The following PHC1 variants were observed in gnomAD, a reference collection of about 807,000 sequenced individuals.
The protein encoded by PHC1 is polyhomeotic homolog 1.
A neutral mutation model predicts 104.3 loss-of-function variants in PHC1; 12 were observed. The observed-to-expected ratio is 0.12, with a 90% CI of 0.07 to 0.19. The LOEUF is 0.19. Ranked by LOEUF, PHC1 falls within the 10% of genes least tolerant of loss-of-function variation. The pLI, the probability that PHC1 is intolerant of heterozygous loss-of-function variation, is 1.00. For synonymous variants in PHC1, 302 were observed against 455.8 expected (o/e 0.66, Z 4.30); for missense variants, 671 against 1,200.0 (o/e 0.56, Z 6.51).
At chr12:8,920,037 G>A in intron 3 of PHC1, 171 bp downstream of exon 3, 1 of 1,003,624 alleles carries the variant, frequency 1.0e-6, no homozygotes, top group Admixed American at 2.6e-5. Context: ...TGGGGTTGCA[G>A]TAAGAACCGT....
intron 8 of PHC1, chr12:8,933,555 T>G: frequency 1.3e-6 from 1 of 741,096 alleles, no homozygotes; most frequent in South Asian, 2.3e-5. Context: ...TATTCTGGGT[T>G]TTTGGGTATG....
intron 12 of PHC1, 41 bp downstream of exon 12, chr12:8,937,005 C>T (rs759790841): frequency 4.2e-6 from 6 of 1,445,102 alleles, no homozygotes; most frequent in Non-Finnish European, 5.8e-6. Context: ...GCACTGGTAT[C>T]TCCATCTAAT....
intron 6 of PHC1, among the ~76,000 whole-genome samples, chr12:8,927,540 T>C (rs2137091914): frequency 6.6e-6 from 1 of 152,264 alleles, no homozygotes; most frequent in African/African-American, 2.4e-5. Flanking sequence ...TGTATGCAGA[T>C]AAATGTATAG....
Position 8,917,689 on chromosome 12 carries a change from G to C in PHC1, c.12G>C (p.Glu4Asp). 1 of 1,555,752 alleles carries C rather than the reference G, an allele frequency of 6.4e-7. No homozygotes were observed. Reference sequence around the variant, plus strand: ...CCTGGACCACTATCATGGAGACTGAGAGCGAGCAGAACTCCAATTCCACCA... The same window carrying C: ...CCTGGACCACTATCATGGAGACTGACAGCGAGCAGAACTCCAATTCCACCA... MET[E>D]SEQNSNSTNG... The change falls in exon 2 of 15, where the codon GAG becomes GAC. Residue 4 changes from glutamate to aspartate, a missense_variant. Transcript: ENST00000544916.
chr12:8,933,811 C>T, intron 8 of PHC1, 54 bp from the exon 9 acceptor site: 2 of 1,477,526 alleles, frequency 1.4e-6, no homozygotes, highest in Non-Finnish European at 1.9e-6. Flanking sequence ...ATTGTGGTTC[C>T]TTATTATCCT....
chr12:8,939,241 T>C, intron 14 of PHC1, 64 bp from the exon 15 acceptor site: 2 of 1,593,820 alleles, frequency 1.3e-6, no homozygotes, highest in Non-Finnish European at 1.7e-6. Flanking sequence ...TAGACCTCAG[T>C]TTCATTTAGC....
At chr12:8,918,932 T>C (rs1053460496) in intron 2 of PHC1, among the ~76,000 whole-genome samples, 3 of 152,166 alleles carry the variant, frequency 2.0e-5, no homozygotes, top group Admixed American at 6.5e-5. Context: ...GGTTATACAG[T>C]ATAGGCTGTT....
At position 8,914,635 on chromosome 12, in the gene PHC1, G is replaced by A. The variant is rs1299942961; in HGVS notation, c.-241G>A. The stretch of plus-strand genomic sequence containing the variant: ...GGCCCGCACCCGGAGCGGCGGGAGG[G>A]GCGGGGAGCCGCGGTCGCGCCGGGC... On this transcript the variant is annotated 5_prime_UTR_variant, in exon 1 of 15. Coordinates refer to ENST00000544916, the MANE Select transcript of PHC1 (RefSeq NM_004426.3). 1 of 150,182 alleles carries A rather than the reference G, an allele frequency of 6.7e-6. No individual in the cohort carries two copies. Among genetic ancestry groups the A allele is most frequent in the Non-Finnish European group, 1.5e-5 (1 of 67,158 alleles). 9.3% of individuals were successfully genotyped at this position (150,182 alleles called of 1,614,324 possible). A position where few individuals can be genotyped will look rare whatever the true frequency, so the allele number is the denominator to read the frequency against.
In PHC1 at chr12:8,930,569, G is replaced by C; in HGVS notation, c.747G>C (p.Ala249=). ...CCCAGGCCTCTAGCCAGGCCCTAGC[G>C]GTGGCACAGGCTTCCTCTGGGGCCA... ...SLSQASSQAL[A]VAQASSGATN... The change falls in exon 7 of 15, where the codon GCG becomes GCC. Residue 249 remains alanine, a synonymous_variant. Coordinates refer to ENST00000544916, the MANE Select transcript of PHC1 (RefSeq NM_004426.3). The C allele has an allele frequency of 6.4e-7, 1 of 1,568,800 alleles. No homozygotes were observed. The highest frequency in any genetic ancestry group is 2.3e-5 in the East Asian group (1 of 42,774).
intron 2 of PHC1, among the ~76,000 whole-genome samples, chr12:8,918,236 TA>T (rs931694042): frequency 6.6e-6 from 1 of 152,228 alleles, no homozygotes; most frequent in Non-Finnish European, 1.5e-5. Context: ...ATACATATCA[TA>T]AAAATAGTTC....
intron 6 of PHC1, among the ~76,000 whole-genome samples, chr12:8,923,949 A>G (rs1481841545): frequency 6.6e-6 from 1 of 152,200 alleles, no homozygotes; most frequent in African/African-American, 2.4e-5. Context: ...CTTACATTGT[A>G]TTAGATATTA....
At chr12:8,927,896 TC>T (rs1945568272) in intron 6 of PHC1, among the ~76,000 whole-genome samples, 1 of 114,762 alleles carries the variant, frequency 8.7e-6, no homozygotes, top group African/African-American at 4.1e-5. Context: ...TTTCTTTCTT[TC>T]TTTCTTTCTT....
At chr12:8,921,507 G>T in intron 4 of PHC1, 94 bp from the exon 5 acceptor site, 1 of 1,119,690 alleles carries the variant, frequency 8.9e-7, no homozygotes, top group South Asian at 1.3e-5. Context: ...GAAATACTCT[G>T]TTCTTGACTG....
At chr12:8,930,360 C>T in intron 6 of PHC1, 75 bp from the exon 7 acceptor site, 1 of 1,547,688 alleles carries the variant, frequency 6.5e-7, no homozygotes, top group Non-Finnish European at 8.7e-7. Context: ...CAATAGCAGT[C>T]CTGGCTGCTT....
chr12:8,928,737 A>T (rs1002456998), intron 6 of PHC1, among the ~76,000 whole-genome samples: 1 of 152,192 alleles, frequency 6.6e-6, no homozygotes, highest in African/African-American at 2.4e-5. Context: ...TTTGAAGCAA[A>T]CCCCAGACAC....
At chr12:8,916,669 T>TGTTA (rs1404448107) in intron 1 of PHC1, among the ~76,000 whole-genome samples, 1 of 152,088 alleles carries the variant, frequency 6.6e-6, no homozygotes, top group Non-Finnish European at 1.5e-5. Flanking sequence ...AATTCTGACA[T>TGTTA]GTTAGTAGAT....
chr12:8,916,474 G>T (rs1945203243), intron 1 of PHC1, among the ~76,000 whole-genome samples: 1 of 151,932 alleles, frequency 6.6e-6, no homozygotes, highest in Admixed American at 6.6e-5. Context: ...CTCAGAAGTA[G>T]AGAAAATAGT....
chr12:8,937,928 G>A lies in PHC1; in HGVS notation c.2728G>A (p.Glu910Lys). 6.2e-7 allele frequency: 1 copy of A among 1,603,986 alleles called. No homozygotes were observed. ...GPLSVRAGHG[E>K]RDLGNPNTAP... ...TTTATCAGTAAGAGCTGGGCATGGA[G>A]AACGTGACCTGGGGAATCCCAATAC... The change falls in exon 14 of 15, where the codon GAA (glutamate) becomes AAA (lysine). Residue 910 changes from glutamate to lysine, a missense_variant. Glu to Lys is a moderately conservative substitution (Grantham distance 56). Coordinates refer to ENST00000544916, the MANE Select transcript of PHC1 (RefSeq NM_004426.3).
rs201159260 is a variant in PHC1 at position 8,930,594 on chromosome 12, A to G, written c.772A>G (p.Thr258Ala). 117 of 1,553,820 alleles carry G rather than the reference A, an allele frequency of 7.5e-5. No individual in the cohort carries two copies. In the East Asian group the frequency reaches 2.6e-3, roughly 34 times the overall value. ...LAVAQASSGA[T>A]NQSLNLSQAG... The stretch of plus-strand genomic sequence containing the variant: ...GGTGGCACAGGCTTCCTCTGGGGCC[A>G]CAAACCAGTCCCTCAACCTTAGTCA... Residue 258 changes from threonine to alanine, a missense_variant, in exon 7 of 15, where the codon ACA becomes GCA. By Grantham distance (58) the Thr-to-Ala change is moderately conservative. Coordinates refer to ENST00000544916, the MANE Select transcript of PHC1 (RefSeq NM_004426.3).
Sources: allele counts gnomAD v4.1 joint callset (sites outside exome capture counted in the v4.1 genomes callset), GRCh38; gene constraint gnomAD v4.1.1; transcripts MANE v1.5; gene names NCBI Gene and HGNC (gene_info 2026-07-23, HGNC 2026-07-21).